The following OR1J2 variants were observed in gnomAD, a reference collection of about 807,000 sequenced individuals.
The protein encoded by OR1J2 is olfactory receptor 1J2.
For synonymous variants in OR1J2, 142 were observed against 99.7 expected (o/e 1.42, Z -2.52); for missense variants, 304 against 246.1 (o/e 1.24, Z -1.57).
chr9:122,568,070 G>A, the OR1J2 span: 1 of 1,614,086 alleles, frequency 6.2e-7, no homozygotes. Context: ...GGTGGCTCAT[G>A]GTGGTGACAT....
the OR1J2 span, among the ~76,000 whole-genome samples, chr9:122,552,747 T>G: frequency 7.8e-6 from 1 of 127,620 alleles, no homozygotes. Flanking sequence ...AAAGAGGGCT[T>G]GAGTGTGTGT....
the OR1J2 span, chr9:122,568,552 C>T: frequency 1.2e-6 from 1 of 856,666 alleles, no homozygotes; most frequent in Non-Finnish European, 1.8e-6. Context: ...ATCATGAGAA[C>T]CTAGCAAGTC....
the OR1J2 span, among the ~76,000 whole-genome samples, chr9:122,454,305 G>T: frequency 6.6e-6 from 1 of 152,078 alleles, no homozygotes; most frequent in East Asian, 1.9e-4. Context: ...ATCATTTGAG[G>T]CCAGGAGTTT....
upstream of OR1J2, among the ~76,000 whole-genome samples, chr9:122,505,875 TC>T (rs1828517109): frequency 6.6e-6 from 1 of 152,196 alleles, no homozygotes; most frequent in African/African-American, 2.4e-5. Flanking sequence ...TCCCTTCTCT[TC>T]CTTCTCTCCT....
the OR1J2 span, among the ~76,000 whole-genome samples, chr9:122,565,914 G>T: frequency 6.6e-6 from 1 of 152,186 alleles, no homozygotes; most frequent in South Asian, 2.1e-4. Context: ...CTAAACTCAG[G>T]CTTGGAGTAA....
At chr9:122,449,485 T>C in the OR1J2 span, among the ~76,000 whole-genome samples, 1 of 152,178 alleles carries the variant, frequency 6.6e-6, no homozygotes. Flanking sequence ...TTCTCCTGCC[T>C]CAGCCTCCCG....
At chr9:122,519,024 A>C in the OR1J2 span, 4 of 699,160 alleles carry the variant, frequency 5.7e-6, no homozygotes, top group Admixed American at 5.4e-5. Flanking sequence ...GTAGACAGAC[A>C]TTGGCATATT....
the OR1J2 span, among the ~76,000 whole-genome samples, chr9:122,496,327 G>C: frequency 6.6e-6 from 1 of 152,110 alleles, no homozygotes; most frequent in African/African-American, 2.4e-5. Flanking sequence ...GCTACAGGGT[G>C]GGTTGAGAAA....
the OR1J2 span, among the ~76,000 whole-genome samples, chr9:122,577,080 G>C: frequency 6.6e-6 from 1 of 152,154 alleles, no homozygotes. Flanking sequence ...ACTTTCTACT[G>C]CTGCTAGTAG....
the OR1J2 span, among the ~76,000 whole-genome samples, chr9:122,478,619 A>G: frequency 0.042 from 6,422 of 152,286 alleles, 139 homozygotes; most frequent in Middle Eastern, 0.089. Flanking sequence ...TTCAAAGGAC[A>G]TACCCACATA....
the OR1J2 span, chr9:122,519,195 A>AT: frequency 6.2e-7 from 1 of 1,613,898 alleles, no homozygotes; most frequent in Admixed American, 1.7e-5. Context: ...GGACCTCCCC[A>AT]TCTGGCCAGA....
the OR1J2 span, among the ~76,000 whole-genome samples, chr9:122,482,351 T>C: frequency 6.6e-6 from 1 of 152,034 alleles, no homozygotes; most frequent in Non-Finnish European, 1.5e-5. Context: ...ATGGTTATTA[T>C]CAAAAAGACA....
the OR1J2 span, among the ~76,000 whole-genome samples, chr9:122,474,617 G>C: frequency 1.3e-5 from 2 of 152,218 alleles, no homozygotes; most frequent in African/African-American, 4.8e-5. Flanking sequence ...AGGCATGAAG[G>C]AGAGGGGGCT....
the OR1J2 span, among the ~76,000 whole-genome samples, chr9:122,528,493 TAGGCTGAGGCCGGAGAAGCACTTG>T: frequency 6.6e-6 from 1 of 152,088 alleles, no homozygotes. Flanking sequence ...AGCTACTTGG[TAGGCTGAGGCCGGAGAAGCACTTG>T]AGCCTGGGAG....
chr9:122,502,076 A>G, the OR1J2 span, among the ~76,000 whole-genome samples: 3 of 152,236 alleles, frequency 2.0e-5, no homozygotes, highest in African/African-American at 7.2e-5. Context: ...CAGCACTTCT[A>G]GCTTGCTATC....
At chr9:122,531,427 A>G in the OR1J2 span, among the ~76,000 whole-genome samples, 3 of 152,204 alleles carry the variant, frequency 2.0e-5, no homozygotes, top group Non-Finnish European at 4.4e-5. Flanking sequence ...GAATAGGAGT[A>G]TGACTAGACA....
the OR1J2 span, among the ~76,000 whole-genome samples, chr9:122,548,493 A>C: frequency 6.6e-6 from 1 of 152,170 alleles, no homozygotes. Flanking sequence ...TTCAACTCAA[A>C]ATAGTCATTA....
chr9:122,567,330 C>A, the OR1J2 span: 2 of 416,240 alleles, frequency 4.8e-6, no homozygotes, highest in Non-Finnish European at 8.5e-6. Flanking sequence ...ATAAATCTTT[C>A]CAAGAAAGAG....
the OR1J2 span, among the ~76,000 whole-genome samples, chr9:122,467,443 C>T: frequency 3.3e-5 from 5 of 152,200 alleles, no homozygotes; most frequent in Non-Finnish European, 5.9e-5. Context: ...AAACTGTCCT[C>T]ACTCAACAGA....
Sources: allele counts gnomAD v4.1 joint callset (sites outside exome capture counted in the v4.1 genomes callset), GRCh38; gene constraint gnomAD v4.1.1; transcripts MANE v1.5; gene names NCBI Gene and HGNC (gene_info 2026-07-23, HGNC 2026-07-21).